Variants in CFAP251 observed in about 807,000 individuals in gnomAD.
CFAP251 encodes cilia and flagella associated protein 251, also known as cilia- and flagella-associated protein 251.
A neutral mutation model predicts 126.7 loss-of-function variants in CFAP251; 93 were observed. The ratio of observed to expected loss-of-function variants is 0.73; its 90% confidence interval spans 0.62 to 0.87. CFAP251 has a LOEUF of 0.87. Ranked by LOEUF, CFAP251 falls within the 40% of genes least tolerant of loss-of-function variation. The pLI is 0.00. For missense variants in CFAP251, 1,287 were observed against 1,389.2 expected (o/e 0.93, Z 1.17); for synonymous variants, 503 against 506.9 (o/e 0.99, Z 0.10).
At position 121,958,930 on chromosome 12, in the gene CFAP251, CT is replaced by C. The variant is rs774944511; in HGVS notation, c.1982-11del. 3.2e-6 allele frequency: 5 copies of C among 1,573,862 alleles called. No homozygotes were observed. Among genetic ancestry groups the C allele is most frequent in the Non-Finnish European group, 4.3e-6 (5 of 1,166,406 alleles). On this transcript the variant is annotated splice_polypyrimidine_tract_variant and intron_variant, in intron 12 of 21. Coordinates refer to ENST00000288912, the MANE Select transcript of CFAP251 (RefSeq NM_144668.6). ...GTAATCCTTTTCCATCGTTCTCTGG[CT>C]TGTCATTTCAGGAGCCCTTCTTGGA... is the stretch of plus-strand genomic sequence containing the variant.
At chr12:122,001,389 A>C in intron 20 of CFAP251, 108 bp from the exon 21 acceptor site, 1 of 1,098,292 alleles carries the variant, frequency 9.1e-7, no homozygotes. Context: ...AAAGAAAAAA[A>C]AATAGTGGGA....
At chr12:121,994,031 G>A (rs1311222317) in intron 19 of CFAP251, among the ~76,000 whole-genome samples, 1 of 73,826 alleles carries the variant, frequency 1.4e-5, no homozygotes, top group Non-Finnish European at 2.9e-5. Flanking sequence ...TGGGGGGGGG[G>A]TCAGCCCCCC....
intron 19 of CFAP251, among the ~76,000 whole-genome samples, chr12:121,979,972 C>T (rs1228742601): frequency 6.6e-6 from 1 of 152,230 alleles, no homozygotes; most frequent in Admixed American, 6.5e-5. Flanking sequence ...GTAACCTAAG[C>T]CAGGCCCTCA....
At position 121,954,231 on chromosome 12, in the gene CFAP251, C is replaced by T. The variant is rs1294031148; in HGVS notation, c.1432C>T (p.Pro478Ser). The change falls in exon 10 of 22, where the codon CCA becomes TCA. Residue 478 changes from proline to serine, a missense_variant. Coordinates refer to ENST00000288912, the MANE Select transcript of CFAP251 (RefSeq NM_144668.6). The part of the protein sequence containing the change: ...GKLVVWDIHR[P>S]PSSASTFLGF... ...GCTGGTTGTCTGGGACATACACCGC[C>T]CACCCTCATCTGCCTCCACCTTTTT... 1.2e-6 allele frequency: 2 copies of T among 1,614,142 alleles called. No homozygotes were observed. Among genetic ancestry groups the T allele is most frequent in the Admixed American group, 1.7e-5 (1 of 60,018 alleles).
intron 3 of CFAP251, among the ~76,000 whole-genome samples, chr12:121,928,405 T>A (rs1462379852): frequency 1.3e-5 from 2 of 151,764 alleles, no homozygotes; most frequent in Non-Finnish European, 2.9e-5. Context: ...GGATGGGGAA[T>A]TAAGAATGTA....
intron 19 of CFAP251, among the ~76,000 whole-genome samples, chr12:121,982,355 C>T (rs1292850075): frequency 6.6e-6 from 1 of 151,382 alleles, no homozygotes. Context: ...TATAGGCGCA[C>T]ATCACCACAT....
At position 121,957,165 on chromosome 12, in the gene CFAP251, G is replaced by A. The variant is rs778957006; in HGVS notation, c.1627G>A (p.Ala543Thr). ...CTGGTACAGTCACTTGAAACTGGGCGCCATAAGAACTCTGTCCTTTTCAAA... is the reference window on the plus strand; with the variant it reads ...CTGGTACAGTCACTTGAAACTGGGCACCATAAGAACTCTGTCCTTTTCAAA... ...VNWYSHLKLGAIRTLSFSKTP... is the reference protein window; with the variant it reads ...VNWYSHLKLGTIRTLSFSKTP... The change falls in exon 11 of 22, where the codon GCC becomes ACC. Residue 543 changes from alanine to threonine, a missense_variant. Transcript: ENST00000288912. 3.0e-5 allele frequency: 49 copies of A among 1,613,838 alleles called. 1 individual carries two copies. Among genetic ancestry groups the A allele is most frequent in the South Asian group, 5.5e-5 (5 of 91,052 alleles).
intron 17 of CFAP251, among the ~76,000 whole-genome samples, chr12:121,970,189 C>T (rs1882286713): frequency 6.6e-6 from 1 of 152,140 alleles, no homozygotes; most frequent in South Asian, 2.1e-4. Context: ...CCCGGGAGAG[C>T]CCCTTCCATC....
chr12:121,992,458 G>A (rs1055462591), intron 19 of CFAP251: 2 of 985,352 alleles, frequency 2.0e-6, no homozygotes, highest in Non-Finnish European at 2.4e-6. Flanking sequence ...AACTCTCTGG[G>A]TATGAGTAAC....
At chr12:121,935,914 C>T (rs1012380893) in intron 5 of CFAP251, among the ~76,000 whole-genome samples, 11 of 152,110 alleles carry the variant, frequency 7.2e-5, no homozygotes, top group African/African-American at 1.9e-4. Context: ...GGTTGTCATC[C>T]GGTATTGCCT....
Position 121,999,735 on chromosome 12 carries a change from A to G in CFAP251, c.3026A>G (p.Glu1009Gly), listed in dbSNP as rs1163621588. 1 of 1,608,136 alleles carries G rather than the reference A, an allele frequency of 6.2e-7. No individual in the cohort carries two copies. Among genetic ancestry groups the G allele is most frequent in the South Asian group, 1.1e-5 (1 of 90,946 alleles). ...CCCTAGATTGATGATATATTTAACG[A>G]AATCAAATTTGGTGAATATGTGGAC... ...SEEKIDDIFN[E>G]IKFGEYVDTG... Residue 1009 changes from glutamate to glycine, a missense_variant, in exon 20 of 22, where the codon GAA (glutamate) becomes GGA (glycine). Glu to Gly is a moderately conservative substitution (Grantham distance 98, BLOSUM62 -2). Transcript: ENST00000288912.
At chr12:122,001,392 T>C (rs1209699292) in intron 20 of CFAP251, 105 bp from the exon 21 acceptor site, 3 of 1,085,218 alleles carry the variant, frequency 2.8e-6, no homozygotes, top group Non-Finnish European at 4.2e-6. Context: ...GAAAAAAAAA[T>C]AGTGGGATAA....
At chr12:122,000,886 C>A (rs1883133083) in intron 20 of CFAP251, among the ~76,000 whole-genome samples, 1 of 151,552 alleles carries the variant, frequency 6.6e-6, no homozygotes, top group South Asian at 2.1e-4. Flanking sequence ...GACTCTAGAT[C>A]ATTTTTGTGT....
intron 9 of CFAP251, chr12:121,953,574 G>C (rs957401079): frequency 6.6e-6 from 1 of 152,472 alleles, no homozygotes; most frequent in Non-Finnish European, 1.5e-5. Flanking sequence ...GCTCTTGTTT[G>C]ACTAATCATT....
chr12:121,990,281 C>G (rs58651804), intron 19 of CFAP251, among the ~76,000 whole-genome samples: 2,364 of 152,286 alleles, frequency 0.016, 72 homozygotes, highest in African/African-American at 0.054. Flanking sequence ...GAGGTGGACC[C>G]TTCTCTATAC....
intron 15 of CFAP251, among the ~76,000 whole-genome samples, chr12:121,962,889 C>T (rs759535672): frequency 7.2e-5 from 11 of 152,020 alleles, no homozygotes; most frequent in Admixed American, 1.3e-4. Flanking sequence ...TGGGAGGCGT[C>T]TGGGGTTTGG....
Position 121,923,989 on chromosome 12 carries a change from T to G in CFAP251, c.746T>G (p.Leu249Trp). The part of the protein sequence containing the change: ...QKDKSTPVYP[L>W]TMTWSFGWNS... ...GATAAAAGCACCCCGGTGTATCCCT[T>G]GGTAAGTGTAATGCTTTTAAATCTC... The change falls in exon 3 of 22, where the codon TTG becomes TGG. Residue 249 changes from leucine to tryptophan, a missense_variant and splice_region_variant. Leu to Trp is a moderately conservative substitution (Grantham distance 61). Coordinates refer to ENST00000288912, the MANE Select transcript of CFAP251 (RefSeq NM_144668.6). 2.5e-6 allele frequency: 4 copies of G among 1,596,698 alleles called. No individual in the cohort carries two copies. Among genetic ancestry groups the G allele is most frequent in the Non-Finnish European group, 3.4e-6 (4 of 1,174,050 alleles).
In CFAP251 at chr12:121,968,155, G is replaced by GA; in HGVS notation, c.2761dup (p.Ile921AsnfsTer15). 6.2e-7 allele frequency: 1 copy of GA among 1,606,750 alleles called. No homozygotes were observed. The highest frequency in any genetic ancestry group is 2.2e-5 in the East Asian group (1 of 44,608). ...GGCACGATCGCTCGGTGGTGCAGTG[G>GA]AAAATCACCTTAAGGTACACGATGG... On this transcript the variant is annotated frameshift_variant, in exon 17 of 22. Coordinates refer to ENST00000288912, the MANE Select transcript of CFAP251 (RefSeq NM_144668.6). LOFTEE classifies it high-confidence loss of function.
Position 121,992,284 on chromosome 12 carries a change from G to C in CFAP251, c.3007-7432G>C, listed in dbSNP as rs75050606. ...AAGTAGCAGAACCTGCCTTTTCAAC[G>C]AACACTTGCGAAGTCGGCTCAGGAA... On this transcript the variant is annotated intron_variant, in intron 19 of 21. Transcript: ENST00000288912. 591 of 985,402 alleles carry C rather than the reference G, an allele frequency of 6.0e-4. 8 individuals carry two copies. In the East Asian group the frequency reaches 0.036, roughly 59 times the overall value. The allele number at this position is 985,402 out of a possible 1,614,324, so 61.0% of individuals were successfully genotyped here. A position where few individuals can be genotyped will look rare whatever the true frequency, so the allele number is the denominator to read the frequency against.
Sources: gnomAD v4.1 joint callset for allele counts (sites outside exome capture counted in the v4.1 genomes callset) on GRCh38, gnomAD v4.1.1 for gene constraint, MANE v1.5 for transcripts, NCBI Gene and HGNC (gene_info 2026-07-23, HGNC 2026-07-21) for gene names.